CNTRL: variants seen among roughly 807,000 people sequenced by gnomAD.
The protein encoded by CNTRL is 110 kDa centrosomal protein.
In CNTRL, 233 loss-of-function variants were observed where a neutral mutation model predicts 303.7. The ratio of observed to expected loss-of-function variants is 0.77; its 90% CI spans 0.69 to 0.86. The LOEUF (loss-of-function observed/expected upper bound fraction) is 0.86, where lower values mean the gene tolerates loss of function less well. CNTRL is among the 40% of genes least tolerant of loss of function. The pLI is 0.00. For missense variants in CNTRL, 2,524 were observed against 2,650.6 expected (o/e 0.95, Z 1.05); for synonymous variants, 900 against 922.2 (o/e 0.98, Z 0.44).
At position 121,175,057 on chromosome 9, in the gene CNTRL, T is replaced by A; in HGVS notation, c.6787T>A (p.Leu2263Ile). 1.2e-6 allele frequency: 2 copies of A among 1,613,758 alleles called. No homozygotes were observed. The highest frequency in any genetic ancestry group is 1.7e-6 in the Non-Finnish European group (2 of 1,179,934). Residue 2263 changes from leucine to isoleucine, a missense_variant, in exon 43 of 44, where the codon TTA (leucine) becomes ATA (isoleucine). By Grantham distance (5) the Leu-to-Ile change is conservative (BLOSUM62 2). Coordinates refer to ENST00000373855, the MANE Select transcript of CNTRL (RefSeq NM_007018.6). ...RHCMSKQAEV[L>I]IKGKRQTEGT... Reference sequence around the variant, plus strand: ...CTGTATGTCCAAGCAAGCAGAAGTATTAATTAAAGGAAAGCGGCAGACAGA... The same window carrying A: ...CTGTATGTCCAAGCAAGCAGAAGTAATAATTAAAGGAAAGCGGCAGACAGA...
chr9:121,145,504 G>C, intron 22 of CNTRL, 119 bp downstream of exon 22: 1 of 991,748 alleles, frequency 1.0e-6, no homozygotes, highest in Non-Finnish European at 1.5e-6. Flanking sequence ...AGAGAGCTGT[G>C]GTAATTAGCT....
At chr9:121,125,411 G>A (rs1288266252) in intron 13 of CNTRL, among the ~76,000 whole-genome samples, 1 of 151,974 alleles carries the variant, frequency 6.6e-6, no homozygotes, top group African/African-American at 2.4e-5. Flanking sequence ...CGCCTGCCTT[G>A]GCCTCCCAAA....
intron 12 of CNTRL, among the ~76,000 whole-genome samples, chr9:121,118,764 G>A (rs1564227463): frequency 6.6e-6 from 1 of 152,102 alleles, no homozygotes; most frequent in Admixed American, 6.5e-5. Flanking sequence ...GGTTGTGTCT[G>A]TACTGAACAT....
At chr9:121,086,050 T>C (rs1447751707) in intron 2 of CNTRL, among the ~76,000 whole-genome samples, 1 of 152,194 alleles carries the variant, frequency 6.6e-6, no homozygotes, top group African/African-American at 2.4e-5. Context: ...AGGATAAAAG[T>C]TGAATCTAGG....
chr9:121,173,440 G>A lies in CNTRL; in HGVS notation c.6615G>A (p.Glu2205=), dbSNP rs1403858248. 6.2e-7 allele frequency: 1 copy of A among 1,613,834 alleles called. No homozygotes were observed. Among genetic ancestry groups the A allele is most frequent in the Non-Finnish European group, 8.5e-7 (1 of 1,179,998 alleles). ...AAGGAGAATTGGAAAGCTTGAAAGA[G>A]AACCTTCCATTTACCATGAATGAGG... ...NLEGELESLK[E]NLPFTMNEGP... The change falls in exon 41 of 44, where the codon GAG becomes GAA. Residue 2205 remains glutamate (E), a synonymous_variant. Transcript: ENST00000373855.
intron 35 of CNTRL, among the ~76,000 whole-genome samples, chr9:121,165,550 TTGC>T (rs1413612425): frequency 7.2e-5 from 11 of 152,216 alleles, no homozygotes; most frequent in Admixed American, 7.2e-4. Context: ...TTAGAAGAAA[TTGC>T]TGAGTAATTC....
At chr9:121,160,364 A>G in intron 32 of CNTRL, 62 bp downstream of exon 32, 2 of 1,234,608 alleles carry the variant, frequency 1.6e-6, no homozygotes, top group Non-Finnish European at 2.1e-6. Context: ...ATTACAAGTC[A>G]CAGAAAAAAT....
intron 42 of CNTRL, 52 bp from the exon 43 acceptor site, chr9:121,174,966 G>A (rs2053459396): frequency 2.0e-6 from 3 of 1,528,054 alleles, no homozygotes; most frequent in South Asian, 1.1e-5. Context: ...CTGAGCGGCA[G>A]TTCTGGTACA....
intron 11 of CNTRL, 95 bp downstream of exon 11, chr9:121,115,295 G>A (rs1224586353): frequency 1.3e-5 from 8 of 593,976 alleles, no homozygotes; most frequent in African/African-American, 1.9e-5. Flanking sequence ...AAAGCAGTTA[G>A]CTGCCTAGTT....
chr9:121,127,338 AAGC>A (rs1195991871), intron 14 of CNTRL, among the ~76,000 whole-genome samples: 4 of 152,142 alleles, frequency 2.6e-5, no homozygotes, highest in Non-Finnish European at 4.4e-5. Flanking sequence ...CTATGCTCAG[AAGC>A]AGAACTGTGG....
chr9:121,121,846 A>G (rs1466296866), intron 12 of CNTRL: 17 of 985,244 alleles, frequency 1.7e-5, no homozygotes, highest in African/African-American at 3.5e-5. Context: ...TGTGGCTGTC[A>G]GAGAGGGAAG....
In CNTRL at chr9:121,152,475, T is replaced by G. The variant is rs759223810; in HGVS notation, c.3964-10T>G. On this transcript the variant is annotated splice_polypyrimidine_tract_variant and intron_variant, in intron 25 of 43. Transcript: ENST00000373855. ...TTTCAGCACTGCATTTTTTTCCCCA[T>G]CTCATTCAGGAGAATGAAGTTTCTA... 2 of 1,600,144 alleles carry G rather than the reference T, an allele frequency of 1.2e-6. No homozygotes were observed. Among genetic ancestry groups the G allele is most frequent in the Non-Finnish European group, 1.7e-6 (2 of 1,167,910 alleles).
chr9:121,177,330 C>G lies in CNTRL; in HGVS notation c.*144C>G. On this transcript the variant is annotated 3_prime_UTR_variant, in exon 44 of 44. Coordinates refer to ENST00000373855, the MANE Select transcript of CNTRL (RefSeq NM_007018.6). ...TCCACTGTAGTTTACTTTGCCTGTA[C>G]CATTAATGCCAATGTTTTTATAAAT... 1.5e-6 allele frequency: 1 copy of G among 663,470 alleles called. No homozygotes were observed. The highest frequency in any genetic ancestry group is 2.9e-5 in the Admixed American group (1 of 33,982). 41.1% of individuals were successfully genotyped at this position (663,470 alleles called of 1,614,324 possible).
intron 2 of CNTRL, among the ~76,000 whole-genome samples, chr9:121,083,421 A>G (rs997270883): frequency 1.3e-5 from 2 of 152,192 alleles, no homozygotes; most frequent in African/African-American, 4.8e-5. Flanking sequence ...AGACGCAAAC[A>G]CACACATTAG....
chr9:121,176,399 C>G (rs1471595511), intron 43 of CNTRL, among the ~76,000 whole-genome samples: 1 of 152,184 alleles, frequency 6.6e-6, no homozygotes, highest in African/African-American at 2.4e-5. Flanking sequence ...CCATTAGCAG[C>G]AGGGCCATCT....
chr9:121,168,986 T>C (rs2053200647), intron 38 of CNTRL, among the ~76,000 whole-genome samples: 1 of 152,246 alleles, frequency 6.6e-6, no homozygotes, highest in South Asian at 2.1e-4. Flanking sequence ...TGTCGAGTTC[T>C]GATCATGCCA....
At position 121,157,550 on chromosome 9, in the gene CNTRL, G is replaced by A; in HGVS notation, c.4446G>A (p.Arg1482=). The A allele has an allele frequency of 1.2e-6, 2 of 1,614,178 alleles. No individual in the cohort carries two copies. Among genetic ancestry groups the A allele is most frequent in the Non-Finnish European group, 8.5e-7 (1 of 1,180,010 alleles). The change falls in exon 28 of 44, where the codon AGG becomes AGA. Residue 1482 remains arginine (R), a synonymous_variant. Coordinates refer to ENST00000373855, the MANE Select transcript of CNTRL (RefSeq NM_007018.6). ...AGTCAGATGCTGAGGAATTAGAAAGGAGAGCTCAGGAAACTGCTGTTAACC... is the reference window on the plus strand; with the variant it reads ...AGTCAGATGCTGAGGAATTAGAAAGAAGAGCTCAGGAAACTGCTGTTAACC... ...QTESDAEELE[R]RAQETAVNLV... is the part of the protein sequence containing the mutation.
In CNTRL at chr9:121,098,394, T is replaced by C. The variant is rs1443102665; in HGVS notation, c.630T>C (p.Asp210=). The C allele has an allele frequency of 6.2e-7, 1 of 1,606,326 alleles. No individual in the cohort carries two copies. The highest frequency in any genetic ancestry group is 1.1e-5 in the South Asian group (1 of 90,432). ...ATGTTATATCATTTCAGCTCCAAGA[T>C]ATAAGCAAGTTGAAACCGCTTCAAG... is the stretch of plus-strand genomic sequence containing the variant. ...LKGNKISSLQ[D]ISKLKPLQDL... is the part of the protein sequence containing the mutation. The change falls in exon 7 of 44, where the codon GAT becomes GAC. Residue 210 remains aspartate, a synonymous_variant. Transcript: ENST00000373855.
Position 121,173,448 on chromosome 9 carries a change from C to T in CNTRL, c.6623C>T (p.Pro2208Leu). Residue 2208 changes from proline (P) to leucine (L), a missense_variant, in exon 41 of 44, where the codon CCA becomes CTA. Physicochemically the swap from Pro to Leu is moderately conservative, Grantham distance 98. Coordinates refer to ENST00000373855, the MANE Select transcript of CNTRL (RefSeq NM_007018.6). ...TTGGAAAGCTTGAAAGAGAACCTTC[C>T]ATTTACCATGAATGAGGGACCTTTT... ...GELESLKENL[P>L]FTMNEGPFEE... 1.2e-6 allele frequency: 2 copies of T among 1,613,904 alleles called. No homozygotes were observed. The highest frequency in any genetic ancestry group is 1.7e-6 in the Non-Finnish European group (2 of 1,179,996).
Sources: gnomAD v4.1 joint callset for allele counts (sites outside exome capture counted in the v4.1 genomes callset) on GRCh38, gnomAD v4.1.1 for gene constraint, MANE v1.5 for transcripts, NCBI Gene and HGNC (gene_info 2026-07-23, HGNC 2026-07-21) for gene names.